Variants in SLC17A6 observed in about 807,000 individuals in gnomAD.
The protein encoded by SLC17A6 is vesicular glutamate transporter 2.
SLC17A6 carries 35 observed loss-of-function variants against 67.1 expected under a neutral mutation model. The observed-to-expected ratio is 0.52, with a 90% CI of 0.40 to 0.69. The LOEUF (loss-of-function observed/expected upper bound fraction) is 0.69. SLC17A6 is among the 30% of genes least tolerant of loss of function. The pLI is 0.00. For missense variants in SLC17A6, 588 were observed against 723.9 expected (o/e 0.81, Z 2.15); for synonymous variants, 285 against 252.3 (o/e 1.13, Z -1.23).
At chr11:22,338,700 C>T in intron 1 of SLC17A6, 81 bp downstream of exon 1, 2 of 1,028,740 alleles carry the variant, frequency 1.9e-6, no homozygotes, top group Non-Finnish European at 3.0e-6. Context: ...CCTGGTGGCT[C>T]AGAAAGATTG....
intron 8 of SLC17A6, 122 bp downstream of exon 8, chr11:22,370,310 A>T: frequency 1.3e-6 from 1 of 771,598 alleles, no homozygotes; most frequent in Non-Finnish European, 2.0e-6. Flanking sequence ...TCATTAAACA[A>T]ATAACTGCTA....
At chr11:22,366,761 T>C (rs1856117375) in intron 7 of SLC17A6, among the ~76,000 whole-genome samples, 2 of 152,050 alleles carry the variant, frequency 1.3e-5, no homozygotes, top group South Asian at 4.1e-4. Context: ...TCCCAGCACT[T>C]TGGGAGGCCG....
chr11:22,362,229 T>G (rs1234626059), intron 5 of SLC17A6: 2 of 476,272 alleles, frequency 4.2e-6, no homozygotes, highest in East Asian at 1.2e-4. Flanking sequence ...GATGACATCT[T>G]CTGGCCATGC....
At position 22,365,640 on chromosome 11, in the gene SLC17A6, A is replaced by G; in HGVS notation, c.842A>G (p.Tyr281Cys). The G allele has an allele frequency of 6.2e-7, 1 of 1,613,960 alleles. No individual in the cohort carries two copies. The highest frequency in any genetic ancestry group is 1.7e-4 in the Middle Eastern group (1 of 6,058). Residue 281 changes from tyrosine to cysteine, a missense_variant, in exon 7 of 12, where the codon TAC becomes TGC. By Grantham distance (194) the Tyr-to-Cys change is radical. This residue lies in a region of SLC17A6 where 414 missense variants were observed against 563.4 expected (regional missense o/e 0.73). Transcript: ENST00000263160. ...ACTATTACAGATGAAGAACGTAGGTACATAGAAGAAAGCATTGGAGAGAGT... is the reference window on the plus strand; with the variant it reads ...ACTATTACAGATGAAGAACGTAGGTGCATAGAAGAAAGCATTGGAGAGAGT... ...HPTITDEERR[Y>C]IEESIGESAN...
At chr11:22,348,589 A>C (rs1445039714) in intron 3 of SLC17A6, among the ~76,000 whole-genome samples, 1 of 152,194 alleles carries the variant, frequency 6.6e-6, no homozygotes, top group East Asian at 1.9e-4. Context: ...TTAGAACTAA[A>C]ATTGCAGAGA....
At chr11:22,363,799 A>G (rs980060753) in intron 6 of SLC17A6, among the ~76,000 whole-genome samples, 2 of 151,742 alleles carry the variant, frequency 1.3e-5, no homozygotes, top group Admixed American at 1.3e-4. Context: ...TCTTAGGGAG[A>G]TTTTTTAAAA....
chr11:22,357,904 A>G (rs1040978378), intron 3 of SLC17A6, among the ~76,000 whole-genome samples: 9 of 152,232 alleles, frequency 5.9e-5, no homozygotes. Flanking sequence ...GTGATCATTT[A>G]TCTCAGTGGA....
rs761735726 is a variant in SLC17A6 at position 22,341,508 on chromosome 11, G to T, written c.87-20G>T. 16 of 1,606,728 alleles carry T rather than the reference G, an allele frequency of 1.0e-5. No homozygotes were observed. In the Admixed American group the frequency reaches 2.0e-4, roughly 20 times the overall value. On this transcript the variant is annotated intron_variant, in intron 1 of 11. Transcript: ENST00000263160. The stretch of plus-strand genomic sequence containing the variant: ...ACCTAAGCCGCCAAGTCCTTGACTC[G>T]CCCCTGCTCTGCCGCGCAGGGTGCT...
Position 22,341,931 on chromosome 11 carries a change from C to T in SLC17A6, c.339+151C>T, listed in dbSNP as rs1024716772. 9.3e-6 allele frequency: 11 copies of T among 1,176,996 alleles called. No homozygotes were observed. In the African/African-American group the frequency reaches 1.4e-4, roughly 15 times the overall value. 72.9% of individuals were successfully genotyped at this position (1,176,996 alleles called of 1,614,324 possible). On this transcript the variant is annotated intron_variant, in intron 2 of 11. Coordinates refer to ENST00000263160, the MANE Select transcript of SLC17A6 (RefSeq NM_020346.3). ...TCTGGCTCTGCCGTTCTAGAATGGACCCCAGTAGTGTTATCAGTTCCCTTT... is the reference window on the plus strand; with the variant it reads ...TCTGGCTCTGCCGTTCTAGAATGGATCCCAGTAGTGTTATCAGTTCCCTTT...
At chr11:22,347,466 TG>T (rs1746183009) in intron 3 of SLC17A6, among the ~76,000 whole-genome samples, 1 of 151,130 alleles carries the variant, frequency 6.6e-6, no homozygotes, top group South Asian at 2.1e-4. Context: ...GGTAATTGCT[TG>T]CCGTTATTAT....
intron 7 of SLC17A6, among the ~76,000 whole-genome samples, chr11:22,367,583 T>G (rs969420592): frequency 6.6e-6 from 1 of 152,184 alleles, no homozygotes; most frequent in African/African-American, 2.4e-5. Context: ...GCAGAAGTTC[T>G]GAGTTTAGCC....
intron 8 of SLC17A6, 113 bp downstream of exon 8, chr11:22,370,301 C>A: frequency 2.4e-6 from 2 of 845,298 alleles, no homozygotes; most frequent in Non-Finnish European, 3.6e-6. Context: ...TTCATTTATT[C>A]ATTAAACAAA....
intron 7 of SLC17A6, among the ~76,000 whole-genome samples, chr11:22,368,413 C>T (rs866994298): frequency 6.6e-6 from 1 of 151,866 alleles, no homozygotes; most frequent in Non-Finnish European, 1.5e-5. Context: ...TAATAGTAAA[C>T]AATCAGCTTG....
intron 1 of SLC17A6, among the ~76,000 whole-genome samples, chr11:22,339,625 G>T (rs1337024291): frequency 6.6e-6 from 1 of 152,088 alleles, no homozygotes; most frequent in Non-Finnish European, 1.5e-5. Context: ...AAAGGAAAAA[G>T]AATTACAAAG....
At chr11:22,375,198 C>T (rs1228094260) in intron 9 of SLC17A6, among the ~76,000 whole-genome samples, 1 of 151,604 alleles carries the variant, frequency 6.6e-6, no homozygotes, top group Non-Finnish European at 1.5e-5. Context: ...TAGTGAAACC[C>T]CATCTCGACT....
At chr11:22,373,426 T>C (rs969233010) in intron 8 of SLC17A6, among the ~76,000 whole-genome samples, 4 of 152,168 alleles carry the variant, frequency 2.6e-5, no homozygotes, top group African/African-American at 9.6e-5. Flanking sequence ...AAAAGCCTTG[T>C]ACTTTTCTCA....
chr11:22,343,032 G>C, intron 2 of SLC17A6: 1 of 612,994 alleles, frequency 1.6e-6, no homozygotes, highest in South Asian at 1.6e-5. Flanking sequence ...AGTGCGCCTG[G>C]CCTCACTATT....
At chr11:22,346,215 A>G (rs1434796882) in intron 3 of SLC17A6, among the ~76,000 whole-genome samples, 1 of 152,188 alleles carries the variant, frequency 6.6e-6, no homozygotes, top group Non-Finnish European at 1.5e-5. Flanking sequence ...GGAACTGAGG[A>G]AGATAAACTG....
intron 1 of SLC17A6, among the ~76,000 whole-genome samples, 193 bp downstream of exon 1, chr11:22,338,812 GGTGTGTGTGT>G (rs3047441): frequency 0.01 from 1,394 of 136,318 alleles, 25 homozygotes; most frequent in African/African-American, 0.036. Flanking sequence ...GAACCTGTCT[GGTGTGTGTGT>G]GTGTGTGTGT....
Sources: gnomAD v4.1 joint callset for allele counts (sites outside exome capture counted in the v4.1 genomes callset) on GRCh38, gnomAD v4.1.1 for gene constraint, gnomAD v4.1.1 regional missense constraint, MANE v1.5 for transcripts, NCBI Gene and HGNC (gene_info 2026-07-23, HGNC 2026-07-21) for gene names.